SHROOM4: variants seen among roughly 807,000 people sequenced by gnomAD.
SHROOM4 encodes the protein shroom family member 4.
In SHROOM4, 17 loss-of-function variants were observed where a neutral mutation model predicts 80.3. That is an observed-to-expected ratio of 0.21 (90% CI 0.14 to 0.32). The LOEUF (loss-of-function observed/expected upper bound fraction) is 0.32, where lower values mean the gene tolerates loss of function less well. SHROOM4 is among the 10% of genes least tolerant of loss of function. The pLI is 1.00. For missense variants in SHROOM4, 993 were observed against 1,140.3 expected, an observed-to-expected ratio of 0.87 and a Z score of 1.86; for synonymous variants, 400 against 437.5, an observed-to-expected ratio of 0.91 and a Z score of 1.07.
At chrX:50,778,469 G>A (rs973122765) in intron 1 of SHROOM4, among the ~76,000 whole-genome samples, 3 of 111,500 alleles carry the variant, frequency 2.7e-5, no homozygotes, top group African/African-American at 9.8e-5. Context: ...CAGACCTACT[G>A]AATCAAAGAG....
intron 6 of SHROOM4, among the ~76,000 whole-genome samples, chrX:50,603,583 A>C (rs1384040131): frequency 1.8e-5 from 2 of 111,154 alleles, no homozygotes; most frequent in African/African-American, 6.5e-5. Context: ...TGCCTCCTCC[A>C]TGGTTGTAGA....
At chrX:50,740,003 T>TA (rs1458325158) in intron 1 of SHROOM4, among the ~76,000 whole-genome samples, 1 of 51,819 alleles carries the variant, frequency 1.9e-5, no homozygotes, top group South Asian at 1.2e-3. Context: ...TATGCAGCCA[T>TA]AAAAAATGAT....
chrX:50,650,004 A>G (rs1165749977), intron 2 of SHROOM4, among the ~76,000 whole-genome samples: 4 of 112,166 alleles, frequency 3.6e-5, no homozygotes, highest in Non-Finnish European at 7.5e-5. Context: ...AACATTTAGG[A>G]AGAGTTAGAA....
Position 50,607,866 on chromosome X carries a change from G to C in SHROOM4, c.3276C>G (p.Leu1092=). 8.3e-7 allele frequency: 1 copy of C among 1,209,151 alleles called. No homozygotes were observed. Among genetic ancestry groups the C allele is most frequent in the Non-Finnish European group, 1.1e-6 (1 of 893,969 alleles). The change falls in exon 6 of 9, where the codon CTC becomes CTG. Residue 1092 remains leucine (L), a synonymous_variant. Transcript: ENST00000376020. ...GAGGAAAGGCCTTCTTCCTGGCTCCGAGAAGATCCGACTGGGTCTCATCAC... is the reference window on the plus strand; with the variant it reads ...GAGGAAAGGCCTTCTTCCTGGCTCCCAGAAGATCCGACTGGGTCTCATCAC... ...SKGDETQSDL[L]GARKKAFPPP... is the part of the protein sequence containing the mutation.
At chrX:50,754,563 T>A (rs1231250714) in intron 1 of SHROOM4, among the ~76,000 whole-genome samples, 2 of 111,624 alleles carry the variant, frequency 1.8e-5, no homozygotes, top group African/African-American at 6.5e-5. Context: ...CTGTAAGGTA[T>A]GTGTTGTTCC....
chrX:50,777,278 G>A (rs1557270219), intron 1 of SHROOM4, among the ~76,000 whole-genome samples: 2 of 111,579 alleles, frequency 1.8e-5, no homozygotes, highest in Non-Finnish European at 3.8e-5. Context: ...AGATGCTTAG[G>A]TAATCACCTC....
intron 2 of SHROOM4, among the ~76,000 whole-genome samples, chrX:50,644,391 C>G (rs1179886262): frequency 8.9e-6 from 1 of 111,758 alleles, no homozygotes; most frequent in Non-Finnish European, 1.9e-5. Flanking sequence ...CCCACTCTAG[C>G]ATGCTATGAT....
chrX:50,616,853 A>G (rs1026997355), intron 5 of SHROOM4, among the ~76,000 whole-genome samples: 5 of 111,593 alleles, frequency 4.5e-5, no homozygotes, highest in Non-Finnish European at 9.4e-5. Flanking sequence ...CAAACTATAC[A>G]TTCTGTCCCC....
chrX:50,578,530 C>A, the SHROOM4 span, among the ~76,000 whole-genome samples: 2 of 111,646 alleles, frequency 1.8e-5, no homozygotes, highest in African/African-American at 6.5e-5. Flanking sequence ...TGGTCTCCAT[C>A]TCCTGACCTC....
rs782196314 is a variant in SHROOM4 at position 50,607,675 on chromosome X, TCCTCCTCCTCTG to T, written c.3455_3466del (p.Ala1152_Glu1155del). Reference sequence around the variant, plus strand: ...GAAATACTGGGGTGGCAGCTCCTCTTCCTCCTCCTCTGCCTCCTCCTCCTCCTCTTCCTCTTC... The same window carrying T: ...GAAATACTGGGGTGGCAGCTCCTCTTCCTCCTCCTCCTCCTCTTCCTCTTC... On this transcript the variant is annotated inframe_deletion, in exon 6 of 9. Coordinates refer to ENST00000376020, the MANE Select transcript of SHROOM4 (RefSeq NM_020717.5). 1.7e-6 allele frequency: 2 copies of T among 1,198,366 alleles called. No individual in the cohort carries two copies. The highest frequency in any genetic ancestry group is 2.2e-5 in the Admixed American group (1 of 45,011).
intron 1 of SHROOM4, among the ~76,000 whole-genome samples, chrX:50,786,124 C>T (rs1395403632): frequency 9.0e-6 from 1 of 111,722 alleles, no homozygotes; most frequent in Non-Finnish European, 1.9e-5. Flanking sequence ...ATAACTTCCC[C>T]CTGTACAGAG....
chrX:50,611,315 A>T (rs782032646), intron 5 of SHROOM4, among the ~76,000 whole-genome samples: 240 of 108,272 alleles, frequency 2.2e-3, no homozygotes, highest in African/African-American at 7.8e-3. Context: ...CGCCCGGCTA[A>T]TTTTTTTTGT....
chrX:50,646,184 T>C (rs1931826607), intron 2 of SHROOM4, among the ~76,000 whole-genome samples: 1 of 111,789 alleles, frequency 8.9e-6, no homozygotes, highest in African/African-American at 3.3e-5. Flanking sequence ...TTCCTCTTTT[T>C]AAAGTATTTA....
At chrX:50,610,352 T>TCTCTCTCACACACA (rs782591424) in intron 5 of SHROOM4, among the ~76,000 whole-genome samples, 56 of 91,708 alleles carry the variant, frequency 6.1e-4, no homozygotes, top group African/African-American at 1.3e-3. Flanking sequence ...TCTCTCTCTC[T>TCTCTCTCACACACA]CACACACACA....
At chrX:50,709,059 G>A (rs929979934) in intron 1 of SHROOM4, among the ~76,000 whole-genome samples, 1 of 111,037 alleles carries the variant, frequency 9.0e-6, no homozygotes, top group Non-Finnish European at 1.9e-5. Context: ...GGTGGGGGAC[G>A]GAGGAAAGAG....
intron 1 of SHROOM4, among the ~76,000 whole-genome samples, chrX:50,810,161 CT>C (rs1936301939): frequency 9.0e-6 from 1 of 110,607 alleles, no homozygotes; most frequent in Non-Finnish European, 1.9e-5. Flanking sequence ...AAAAAATTTT[CT>C]CTTTCTTTGC....
At chrX:50,795,086 A>C (rs55905624) in intron 1 of SHROOM4, among the ~76,000 whole-genome samples, 1 of 45,588 alleles carries the variant, frequency 2.2e-5, no homozygotes, top group Admixed American at 3.1e-4. Flanking sequence ...ATATATATAT[A>C]TGATATATAT....
chrX:50,749,888 G>A (rs1438871025), intron 1 of SHROOM4, among the ~76,000 whole-genome samples: 1 of 111,437 alleles, frequency 9.0e-6, no homozygotes, highest in African/African-American at 3.3e-5. Context: ...CCGCAGACTG[G>A]GCTGTGCGCT....
At chrX:50,717,651 T>G (rs1474675522) in intron 1 of SHROOM4, among the ~76,000 whole-genome samples, 2 of 111,541 alleles carry the variant, frequency 1.8e-5, no homozygotes, top group Non-Finnish European at 3.8e-5. Flanking sequence ...CAAGAACATT[T>G]ACATCACTTC....
Sources: allele counts gnomAD v4.1 joint callset (sites outside exome capture counted in the v4.1 genomes callset), GRCh38; gene constraint gnomAD v4.1.1; transcripts MANE v1.5; gene names NCBI Gene and HGNC (gene_info 2026-07-23, HGNC 2026-07-21).